PPARGC1B: variants seen among roughly 807,000 people sequenced by gnomAD.
The protein encoded by PPARGC1B is peroxisome proliferator-activated receptor gamma coactivator 1-beta.
Under a neutral mutation model 101.6 loss-of-function variants are expected in PPARGC1B, and 34 were observed. The observed-to-expected ratio is 0.33, with a 90% confidence interval of 0.25 to 0.45. PPARGC1B has a LOEUF of 0.45. Among genes scored for constraint, PPARGC1B ranks in the 20% least tolerant of loss-of-function variants. The pLI, the probability that PPARGC1B is intolerant of heterozygous loss-of-function variation, is 1.00. For missense variants in PPARGC1B, 1,234 were observed against 1,317.6 expected (o/e 0.94, Z 0.98); for synonymous variants, 548 against 539.3 (o/e 1.02, Z -0.22).
chr5:149,809,115 TTAGATAGATAGATAGATAGA>T (rs10635808), intron 1 of PPARGC1B, among the ~76,000 whole-genome samples: 1 of 84,094 alleles, frequency 1.2e-5, no homozygotes, highest in Non-Finnish European at 2.3e-5. Context: ...TATCTCCACC[TTAGATAGATAGATAGATAGA>T]TAGATAGATA....
rs1428283870 is a variant in PPARGC1B, at chr5:149,837,413, T to C, written c.2618+340T>C. Among the ~76,000 whole-genome samples the C allele has an allele frequency of 6.6e-6, 1 of 152,250 alleles. No individual in the cohort carries two copies. Among genetic ancestry groups the C allele is most frequent in the Non-Finnish European group, 1.5e-5 (1 of 68,046 alleles). ...TTTGTACTTTTTGCTTTTATGTTTGTAAAATGGATAAGTTTTTGTGCAAAC... is the reference window on the plus strand; with the variant it reads ...TTTGTACTTTTTGCTTTTATGTTTGCAAAATGGATAAGTTTTTGTGCAAAC... On this transcript the variant is annotated intron_variant, in intron 8 of 11. Coordinates refer to ENST00000309241, the MANE Select transcript of PPARGC1B (RefSeq NM_133263.4). The surrounding 1 kb of genome is among the most constrained non-coding windows in gnomAD (Gnocchi z 4.2).
chr5:149,742,013 GTGA>G (rs527711204), intron 1 of PPARGC1B, among the ~76,000 whole-genome samples: 205 of 152,246 alleles, frequency 1.3e-3, no homozygotes, highest in Non-Finnish European at 1.9e-3. Context: ...TTCAAGGATG[GTGA>G]TGATGATGAT....
intron 1 of PPARGC1B, among the ~76,000 whole-genome samples, chr5:149,757,617 C>G (rs1755579963): frequency 6.6e-6 from 1 of 152,224 alleles, no homozygotes; most frequent in South Asian, 2.1e-4. Context: ...GTGTCAGCGT[C>G]TGCAGCCACC....
At chr5:149,822,779 AT>A (rs1421534642) in intron 2 of PPARGC1B, among the ~76,000 whole-genome samples, 1 of 152,158 alleles carries the variant, frequency 6.6e-6, no homozygotes, top group African/African-American at 2.4e-5. Flanking sequence ...GCCCTTGCAC[AT>A]TGTAAGGACT....
chr5:149,811,987 C>G (rs1448604954), intron 1 of PPARGC1B, among the ~76,000 whole-genome samples: 1 of 152,232 alleles, frequency 6.6e-6, no homozygotes, highest in East Asian at 1.9e-4. Flanking sequence ...TCCACTCCCG[C>G]CAGACCTGGT....
rs1759716286 is a variant in PPARGC1B at position 149,850,158 on chromosome 5, G to T, written c.*2600G>T. 1 of 152,238 alleles carries T rather than the reference G, an allele frequency of 6.6e-6. No homozygotes were observed. Among genetic ancestry groups the T allele is most frequent in the Admixed American group, 6.5e-5 (1 of 15,282 alleles). The allele number at this position is 152,238 out of a possible 1,614,324, so 9.4% of individuals were successfully genotyped here. On this transcript the variant is annotated 3_prime_UTR_variant, in exon 12 of 12. Coordinates refer to ENST00000309241, the MANE Select transcript of PPARGC1B (RefSeq NM_133263.4). ...CCCTGGCACCCCGGTGTGCTGAAAG[G>T]AGTTGGTCCATATATGATCTCTTAG...
Position 149,836,685 on chromosome 5 carries a change from G to A in PPARGC1B, c.2230G>A (p.Asp744Asn). Residue 744 changes from aspartate to asparagine, a missense_variant, in exon 8 of 12, where the codon GAT (aspartate) becomes AAT (asparagine). Around this residue, in one of 3 missense-constraint regions of PPARGC1B, gnomAD observed 497 missense variants for 529.5 expected, o/e 0.94. Transcript: ENST00000309241. ...APGREEDRSC[D>N]AGAPPKDSTL... ...TGGCAGGGAGGAAGACAGAAGCTGT[G>A]ATGCTGGCGCCCCACCCAAGGACAG... 6.2e-7 allele frequency: 1 copy of A among 1,613,736 alleles called. No homozygotes were observed. The highest frequency in any genetic ancestry group is 8.5e-7 in the Non-Finnish European group (1 of 1,180,004).
chr5:149,826,045 T>A (rs1181205657), intron 2 of PPARGC1B, among the ~76,000 whole-genome samples: 1 of 152,200 alleles, frequency 6.6e-6, no homozygotes, highest in Non-Finnish European at 1.5e-5. Flanking sequence ...ATGAGAAAGC[T>A]AACTTGCCTG....
intron 1 of PPARGC1B, among the ~76,000 whole-genome samples, chr5:149,737,950 C>T (rs1754785152): frequency 1.3e-5 from 2 of 152,168 alleles, no homozygotes; most frequent in African/African-American, 4.8e-5. Context: ...GCCAGGATCA[C>T]ACTACTACAC....
intron 1 of PPARGC1B, among the ~76,000 whole-genome samples, chr5:149,738,129 G>A (rs1754791497): frequency 6.6e-6 from 1 of 152,200 alleles, no homozygotes; most frequent in Non-Finnish European, 1.5e-5. Context: ...TTAAGTGTTA[G>A]GACATCACTC....
chr5:149,779,071 T>G (rs140965897), intron 1 of PPARGC1B, among the ~76,000 whole-genome samples: 1 of 152,186 alleles, frequency 6.6e-6, no homozygotes, highest in East Asian at 1.9e-4. Flanking sequence ...GGAGACTCCT[T>G]GAGACAAAGT....
At chr5:149,857,557 G>A (rs1220857247), downstream of PPARGC1B, among the ~76,000 whole-genome samples, 1 of 152,252 alleles carries the variant, frequency 6.6e-6, no homozygotes, top group Admixed American at 6.5e-5. Context: ...CTATCAGGGT[G>A]TGCATTGCAG....
chr5:149,753,164 C>T (rs2113126544), intron 1 of PPARGC1B, among the ~76,000 whole-genome samples: 1 of 152,180 alleles, frequency 6.6e-6, no homozygotes, highest in East Asian at 1.9e-4. Context: ...TTGGATTGAT[C>T]ATAGTTTGTT....
chr5:149,856,444 C>T (rs1212714112), downstream of PPARGC1B, among the ~76,000 whole-genome samples: 5 of 152,214 alleles, frequency 3.3e-5, no homozygotes, highest in Middle Eastern at 3.4e-3. Context: ...CCTGCCTTTC[C>T]GTTCACTGCA....
At chr5:149,783,471 G>T (rs192296324) in intron 1 of PPARGC1B, among the ~76,000 whole-genome samples, 3 of 152,202 alleles carry the variant, frequency 2.0e-5, no homozygotes, top group Non-Finnish European at 4.4e-5. Flanking sequence ...GATGTTTTGA[G>T]TACCAGATAA....
rs547533870 is a variant in PPARGC1B at position 149,738,174 on chromosome 5, G to A, written c.78+7754G>A. ...AAGCTCCACAAAGGCAAGAATTTTC[G>A]TTTATTTCATCCACCTTGTTTTTCA... On this transcript the variant is annotated intron_variant, in intron 1 of 11. Transcript: ENST00000309241. 1.0e-3 allele frequency among the ~76,000 whole-genome samples: 157 copies of A among 152,160 alleles called. 3 individuals are homozygous for A. The highest frequency in any genetic ancestry group is 3.3e-3 in the African/African-American group (139 of 41,522).
In PPARGC1B at chr5:149,836,656, C is replaced by T; in HGVS notation, c.2201C>T (p.Ala734Val). 2 of 1,613,816 alleles carry T rather than the reference C, an allele frequency of 1.2e-6. No homozygotes were observed. The highest frequency in any genetic ancestry group is 1.6e-4 in the Middle Eastern group (1 of 6,062). Residue 734 changes from alanine to valine, a missense_variant, in exon 8 of 12, where the codon GCC becomes GTC. This residue lies in a region of PPARGC1B where 497 missense variants were observed against 529.5 expected (regional missense o/e 0.94). Transcript: ENST00000309241. ...QQGAPWAEAQ[A>V]PGREEDRSCD... ...GGTGCCCCTTGGGCTGAGGCACAGG[C>T]CCCTGGCAGGGAGGAAGACAGAAGC...
chr5:149,783,079 G>A (rs59901793), intron 1 of PPARGC1B, among the ~76,000 whole-genome samples: 12,782 of 133,692 alleles, frequency 0.096, 1,806 homozygotes, highest in African/African-American at 0.33. Flanking sequence ...TGTCACACTG[G>A]AATGAGAGAT....
intron 1 of PPARGC1B, among the ~76,000 whole-genome samples, chr5:149,749,091 C>T (rs1040381300): frequency 1.3e-5 from 2 of 152,116 alleles, no homozygotes; most frequent in Non-Finnish European, 2.9e-5. Flanking sequence ...CATATGTAGT[C>T]CTGACTCAAG....
Sources: allele counts gnomAD v4.1 joint callset (sites outside exome capture counted in the v4.1 genomes callset), GRCh38; gene constraint gnomAD v4.1.1; regional missense constraint gnomAD v4.1.1; non-coding constraint Gnocchi (gnomAD v3.1); transcripts MANE v1.5; gene names NCBI Gene and HGNC (gene_info 2026-07-23, HGNC 2026-07-21).